KIAA0586: variants seen among roughly 807,000 people sequenced by gnomAD.
KIAA0586 encodes protein TALPID3.
Under a neutral mutation model 169.8 loss-of-function variants are expected in KIAA0586, and 144 were observed. The ratio of observed to expected loss-of-function variants is 0.85; its 90% CI spans 0.74 to 0.97. The LOEUF is 0.97. Ranked by LOEUF, KIAA0586 falls within the 50% of genes least tolerant of loss-of-function variation. The probability of loss-of-function intolerance (pLI) is 0.00; values close to 1 mark genes in which losing one functional copy is unlikely to be tolerated. For missense variants in KIAA0586, 1,854 were observed against 1,823.0 expected (o/e 1.02, Z -0.31); for synonymous variants, 625 against 612.4 (o/e 1.02, Z -0.30).
intron 21 of KIAA0586, among the ~76,000 whole-genome samples, chr14:58,484,902 A>ATTTATATATATTTT (rs1269889812): frequency 0.082 from 996 of 12,164 alleles, 122 homozygotes; most frequent in Middle Eastern, 0.25. Context: ...ATATATATAT[A>ATTTATATATATTTT]TATATATATA....
intron 29 of KIAA0586, among the ~76,000 whole-genome samples, chr14:58,523,835 A>T (rs1021171000): frequency 1.3e-5 from 2 of 151,834 alleles, no homozygotes; most frequent in African/African-American, 4.8e-5. Context: ...AAGTGCTGGG[A>T]TTACAGGCAT....
At chr14:58,427,592 T>C (rs1375437082), upstream of KIAA0586, 6 of 1,535,496 alleles carry the variant, frequency 3.9e-6, no homozygotes, top group African/African-American at 1.4e-5. Context: ...CGGAGAGGAA[T>C]GGAAGAGCAC....
Position 58,458,286 on chromosome 14 carries a change from T to C in KIAA0586, c.1584-187T>C, listed in dbSNP as rs1023980144. ...TGAAAACTAATACCATGAAAACAAA[T>C]AGCAAAGGTTTTTCCTTTTCAGATG... On this transcript the variant is annotated intron_variant, in intron 11 of 30. Transcript: ENST00000652326. 5.9e-5 allele frequency among the ~76,000 whole-genome samples: 9 copies of C among 152,248 alleles called. No homozygotes were observed. In the South Asian group the frequency reaches 1.0e-3, roughly 18 times the overall value.
intron 29 of KIAA0586, among the ~76,000 whole-genome samples, chr14:58,517,335 C>T (rs947858450): frequency 1.3e-5 from 2 of 152,060 alleles, no homozygotes; most frequent in Admixed American, 6.6e-5. Context: ...AGATACTTCA[C>T]CAAAAAAGAA....
At chr14:58,474,502 ATTTAGAAGGGT>A (rs1002429527) in intron 18 of KIAA0586, 94 bp from the exon 19 acceptor site, 4 of 700,112 alleles carry the variant, frequency 5.7e-6, no homozygotes, top group Non-Finnish European at 8.9e-6. Context: ...CTGTTGGTTA[ATTTAGAAGGGT>A]TTCTTAATTC....
chr14:58,531,398 A>C (rs925801644), intron 29 of KIAA0586, among the ~76,000 whole-genome samples: 3 of 152,160 alleles, frequency 2.0e-5, no homozygotes, highest in Admixed American at 6.5e-5. Flanking sequence ...GACACTTCTC[A>C]AACGAAGACA....
intron 27 of KIAA0586, among the ~76,000 whole-genome samples, chr14:58,501,799 T>C (rs1205039041): frequency 6.6e-6 from 1 of 152,226 alleles, no homozygotes; most frequent in Non-Finnish European, 1.5e-5. Context: ...CAAGTGGGGA[T>C]AATATTGCTA....
chr14:58,456,591 T>G, intron 9 of KIAA0586, 111 bp from the exon 10 acceptor site: 1 of 597,930 alleles, frequency 1.7e-6, no homozygotes, highest in South Asian at 2.4e-5. Flanking sequence ...TTTAGTAATA[T>G]AGCTAAGACT....
intron 29 of KIAA0586, among the ~76,000 whole-genome samples, chr14:58,533,749 C>T (rs113193410): frequency 3.3e-4 from 50 of 152,246 alleles, no homozygotes; most frequent in African/African-American, 1.1e-3. Context: ...GTAATGGTAA[C>T]GTAGAACTTG....
intron 16 of KIAA0586, among the ~76,000 whole-genome samples, chr14:58,470,390 GA>G (rs960859178): frequency 2.6e-5 from 4 of 152,198 alleles, no homozygotes; most frequent in African/African-American, 9.6e-5. Context: ...TCTTAAGATA[GA>G]ATTTTGTGTG....
chr14:58,493,622 A>G (rs534420437), intron 26 of KIAA0586, among the ~76,000 whole-genome samples: 26 of 152,350 alleles, frequency 1.7e-4, no homozygotes, highest in Admixed American at 1.5e-3. Context: ...AGGAGAAGAT[A>G]TAAAATTTAG....
intron 7 of KIAA0586, among the ~76,000 whole-genome samples, chr14:58,448,924 G>T (rs930259920): frequency 4.6e-5 from 7 of 152,088 alleles, no homozygotes; most frequent in Admixed American, 2.0e-4. Context: ...GCAACTACCT[G>T]AGTACATTTT....
At chr14:58,478,668 A>G (rs974004592) in intron 20 of KIAA0586, among the ~76,000 whole-genome samples, 1 of 152,202 alleles carries the variant, frequency 6.6e-6, no homozygotes, top group African/African-American at 2.4e-5. Flanking sequence ...TATTAGCCAC[A>G]TAATCATGAG....
At chr14:58,474,388 G>C (rs938537703) in intron 18 of KIAA0586, among the ~76,000 whole-genome samples, 1 of 152,048 alleles carries the variant, frequency 6.6e-6, no homozygotes, top group African/African-American at 2.4e-5. Flanking sequence ...ATGAATATTG[G>C]GTTCTAAAAA....
chr14:58,444,464 C>T (rs1283494796), intron 6 of KIAA0586, among the ~76,000 whole-genome samples: 2 of 151,966 alleles, frequency 1.3e-5, no homozygotes, highest in African/African-American at 4.8e-5. Flanking sequence ...GCTATGGTTG[C>T]CCAGGCTGAA....
chr14:58,452,693 C>T (rs1392096904), intron 8 of KIAA0586, among the ~76,000 whole-genome samples: 1 of 151,984 alleles, frequency 6.6e-6, no homozygotes, highest in Non-Finnish European at 1.5e-5. Flanking sequence ...CTTTTACTTA[C>T]TTGTTTATGT....
intron 21 of KIAA0586, among the ~76,000 whole-genome samples, chr14:58,483,164 CTA>C (rs33964741): frequency 1 from 151,848 of 152,054 alleles, 75,822 homozygotes; most frequent in Non-Finnish European, 1. Flanking sequence ...AGTCAGCCCT[CTA>C]TATATATATG....
Position 58,467,356 on chromosome 14 carries a change from C to T in KIAA0586, c.2255-379C>T, listed in dbSNP as rs893547722. Among the ~76,000 whole-genome samples the T allele has an allele frequency of 4.8e-4, 73 of 152,340 alleles. 2 individuals carry two copies. Among genetic ancestry groups the T allele is most frequent in the Admixed American group, 4.0e-3 (61 of 15,300 alleles). ...GCCAGGATTCAAACCCAGGCAGAGG[C>T]AGTCTGGCTTTATAGTCTGTGTTTT... On this transcript the variant is annotated intron_variant, in intron 15 of 30. Coordinates refer to ENST00000652326, the MANE Select transcript of KIAA0586 (RefSeq NM_001329943.3).
chr14:58,497,987 C>G (rs1465518835), intron 26 of KIAA0586, among the ~76,000 whole-genome samples: 1 of 151,656 alleles, frequency 6.6e-6, no homozygotes, highest in African/African-American at 2.4e-5. Context: ...ACACCATTCT[C>G]CTGCCTCAGC....
Sources: allele counts gnomAD v4.1 joint callset (sites outside exome capture counted in the v4.1 genomes callset), GRCh38; gene constraint gnomAD v4.1.1; transcripts MANE v1.5; gene names NCBI Gene and HGNC (gene_info 2026-07-23, HGNC 2026-07-21).